Variants in GNB1 observed in about 807,000 individuals in gnomAD.
GNB1 encodes the protein guanine nucleotide-binding protein G(I)/G(S)/G(T) subunit beta-1.
A neutral mutation model predicts 42.9 loss-of-function variants in GNB1; 2 were observed. The observed-to-expected ratio is 0.05, with a 90% CI of 0.02 to 0.15. The LOEUF (loss-of-function observed/expected upper bound fraction) is 0.15. GNB1 is among the 10% of genes least tolerant of loss of function. The probability of loss-of-function intolerance (pLI) is 1.00; values close to 1 mark genes in which losing one functional copy is unlikely to be tolerated. For synonymous variants in GNB1, 183 were observed against 174.7 expected (o/e 1.05, Z -0.38); for missense variants, 193 against 462.2 (o/e 0.42, Z 5.34).
intron 2 of GNB1, among the ~76,000 whole-genome samples, chr1:1,837,637 G>A (rs1647170987): frequency 6.6e-6 from 1 of 151,730 alleles, no homozygotes; most frequent in Non-Finnish European, 1.5e-5. Context: ...TCAGCTCACT[G>A]CAACCTCTGC....
chr1:1,889,357 C>T (rs980694126), intron 1 of GNB1, among the ~76,000 whole-genome samples: 2 of 152,178 alleles, frequency 1.3e-5, no homozygotes, highest in Non-Finnish European at 2.9e-5. Context: ...AACCAATGCT[C>T]CCCAAAAGAA....
intron 1 of GNB1, among the ~76,000 whole-genome samples, chr1:1,849,630 G>A (rs1339465574): frequency 6.6e-6 from 1 of 151,982 alleles, no homozygotes; most frequent in Non-Finnish European, 1.5e-5. Context: ...TCAAACTCCT[G>A]GGCTCAAGTG....
At chr1:1,819,043 A>T (rs1345308167) in intron 3 of GNB1, among the ~76,000 whole-genome samples, 2 of 152,132 alleles carry the variant, frequency 1.3e-5, no homozygotes, top group Admixed American at 6.6e-5. Context: ...GAAGGGATCC[A>T]CCAATGCTAA....
intron 5 of GNB1, among the ~76,000 whole-genome samples, chr1:1,812,051 G>A (rs1646787298): frequency 6.6e-6 from 1 of 150,998 alleles, no homozygotes; most frequent in Admixed American, 6.6e-5. Context: ...GGGTGACAGA[G>A]CGAGACTCCG....
At chr1:1,864,999 A>G (rs1420432072) in intron 1 of GNB1, among the ~76,000 whole-genome samples, 3 of 152,026 alleles carry the variant, frequency 2.0e-5, no homozygotes, top group Non-Finnish European at 4.4e-5. Context: ...GTGGTGGCTC[A>G]TGCCTGTAAT....
At chr1:1,832,109 TA>T (rs1432624242) in intron 2 of GNB1, 1 of 152,034 alleles carries the variant, frequency 6.6e-6, no homozygotes, top group Non-Finnish European at 1.5e-5. Context: ...ATACTCACTT[TA>T]AAGAAAGATA....
chr1:1,884,083 T>C (rs556606525), intron 1 of GNB1, among the ~76,000 whole-genome samples: 2 of 151,192 alleles, frequency 1.3e-5, no homozygotes, highest in East Asian at 3.9e-4. Flanking sequence ...CTCTTGCCTC[T>C]GCCTCCCGAG....
intron 1 of GNB1, among the ~76,000 whole-genome samples, chr1:1,889,991 G>A (rs765592435): frequency 1.3e-5 from 2 of 149,962 alleles, no homozygotes; most frequent in African/African-American, 2.5e-5. Context: ...ATCGCAAACC[G>A]GGCCCCGAAA....
At chr1:1,849,865 A>G (rs1647886238) in intron 1 of GNB1, among the ~76,000 whole-genome samples, 1 of 152,112 alleles carries the variant, frequency 6.6e-6, no homozygotes, top group Admixed American at 6.6e-5. Context: ...ACTAATGAAA[A>G]AATTCTCAAC....
At chr1:1,799,461 C>G (rs528616654) in intron 7 of GNB1, among the ~76,000 whole-genome samples, 1 of 152,230 alleles carries the variant, frequency 6.6e-6, no homozygotes, top group East Asian at 1.9e-4. Context: ...CAGACTCTGA[C>G]GGTCATGGGA....
At chr1:1,842,685 G>A (rs1033762294) in intron 1 of GNB1, among the ~76,000 whole-genome samples, 1 of 152,200 alleles carries the variant, frequency 6.6e-6, no homozygotes, top group African/African-American at 2.4e-5. Flanking sequence ...TCCTTTTGAG[G>A]TGATGAAAAT....
intron 1 of GNB1, among the ~76,000 whole-genome samples, chr1:1,848,688 G>A (rs1557925900): frequency 6.6e-6 from 1 of 152,030 alleles, no homozygotes; most frequent in Non-Finnish European, 1.5e-5. Flanking sequence ...GACTGCTATC[G>A]GTAAGGCTTC....
At chr1:1,854,976 T>C (rs1648191199) in intron 1 of GNB1, among the ~76,000 whole-genome samples, 1 of 151,738 alleles carries the variant, frequency 6.6e-6, no homozygotes, top group African/African-American at 2.4e-5. Flanking sequence ...CTGGCCAAGA[T>C]GGTGAAACCC....
At position 1,836,856 on chromosome 1, in the gene GNB1, CTTTTT is replaced by C. The variant is rs35131919; in HGVS notation, c.-47+2329_-47+2333del. Among the ~76,000 whole-genome samples the C allele has an allele frequency of 9.6e-3, 1,150 of 120,164 alleles. 19 individuals carry two copies. The highest frequency in any genetic ancestry group is 0.035 in the African/African-American group (1,101 of 31,744). The allele number at this position is 120,164 out of a possible 152,430, so 78.8% of individuals were successfully genotyped here. ...GTGAGCCACCGTGCCCGACTGCTAA[CTTTTT>C]TTTTTTTTTTTTTTTGAAGAGACAG... is the stretch of plus-strand genomic sequence containing the variant. On this transcript the variant is annotated intron_variant, in intron 2 of 11. Coordinates refer to ENST00000378609, the MANE Select transcript of GNB1 (RefSeq NM_002074.5).
intron 1 of GNB1, among the ~76,000 whole-genome samples, chr1:1,866,966 CA>C (rs1396888031): frequency 2.1e-5 from 3 of 146,078 alleles, no homozygotes; most frequent in Non-Finnish European, 4.5e-5. Flanking sequence ...AACAAACAAA[CA>C]AAAAAACCTC....
chr1:1,875,844 C>A (rs1361550314), intron 1 of GNB1, among the ~76,000 whole-genome samples: 2 of 152,064 alleles, frequency 1.3e-5, no homozygotes, highest in Non-Finnish European at 2.9e-5. Flanking sequence ...GTGTCCCCCC[C>A]CCCAAAATTC....
intron 1 of GNB1, among the ~76,000 whole-genome samples, chr1:1,859,598 A>T (rs1648502785): frequency 6.6e-6 from 1 of 151,468 alleles, no homozygotes; most frequent in Non-Finnish European, 1.5e-5. Context: ...GCCAACGGAG[A>T]CTGATTGGCA....
At chr1:1,883,631 G>A (rs934643151) in intron 1 of GNB1, among the ~76,000 whole-genome samples, 1 of 152,224 alleles carries the variant, frequency 6.6e-6, no homozygotes, top group Non-Finnish European at 1.5e-5. Flanking sequence ...CTAGGAGCCT[G>A]TTTCACAGAT....
At chr1:1,880,920 C>T (rs767733232) in intron 1 of GNB1, among the ~76,000 whole-genome samples, 7 of 42,218 alleles carry the variant, frequency 1.7e-4, no homozygotes, top group Admixed American at 3.5e-4. Flanking sequence ...TATCAGGCTA[C>T]GAAGACAAGA....
Sources: gnomAD v4.1 joint callset for allele counts (sites outside exome capture counted in the v4.1 genomes callset) on GRCh38, gnomAD v4.1.1 for gene constraint, MANE v1.5 for transcripts, NCBI Gene and HGNC (gene_info 2026-07-23, HGNC 2026-07-21) for gene names.